ZNF438: variants seen among roughly 807,000 people sequenced by gnomAD.
ZNF438 encodes the protein zinc finger protein 438.
A neutral mutation model predicts 38.0 loss-of-function variants in ZNF438; 25 were observed. The ratio of observed to expected loss-of-function variants is 0.66; its 90% CI spans 0.48 to 0.92. The LOEUF is 0.92. ZNF438 is among the 40% of genes least tolerant of loss of function. The pLI is 0.00. For missense variants in ZNF438, 1,007 were observed against 999.6 expected, an observed-to-expected ratio of 1.01 and a Z score of -0.10; for synonymous variants, 372 against 364.1, an observed-to-expected ratio of 1.02 and a Z score of -0.25.
chr10:30,930,261 G>T (rs748442556), intron 2 of ZNF438, among the ~76,000 whole-genome samples: 1 of 152,112 alleles, frequency 6.6e-6, no homozygotes, highest in East Asian at 1.9e-4. Context: ...CAAGCACGAC[G>T]TGGGTGGGCT....
intron 1 of ZNF438, among the ~76,000 whole-genome samples, chr10:30,970,813 C>T (rs1474327227): frequency 6.6e-6 from 1 of 152,194 alleles, no homozygotes; most frequent in Non-Finnish European, 1.5e-5. Flanking sequence ...AAATGGACAT[C>T]ATCACAGGCA....
At chr10:31,021,672 T>C (rs1446749820) in intron 1 of ZNF438, among the ~76,000 whole-genome samples, 3 of 152,202 alleles carry the variant, frequency 2.0e-5, no homozygotes, top group East Asian at 1.9e-4. Flanking sequence ...TTCCAGCGAT[T>C]TTCTTATTCG....
At chr10:30,936,885 GCTCT>G (rs1429120758) in intron 2 of ZNF438, among the ~76,000 whole-genome samples, 2 of 152,004 alleles carry the variant, frequency 1.3e-5, no homozygotes, top group African/African-American at 4.8e-5. Flanking sequence ...CTTATTCTCT[GCTCT>G]CTAATTAATG....
rs374209322 is a variant in ZNF438 at position 30,901,676 on chromosome 10, T to TA, written c.-32+7256dup. ...AGGCGATGGTCTCACCGCTCGGCGA[T>TA]AGTCTCACCGCTTGGCGATAGGCGA... On this transcript the variant is annotated intron_variant, in intron 3 of 5. Coordinates refer to ENST00000413025, the Ensembl canonical transcript of ZNF438. Among the ~76,000 whole-genome samples, 47 of 152,026 alleles carry TA rather than the reference T, an allele frequency of 3.1e-4. No homozygotes were observed. The East Asian group carries it at 8.6e-3, about 28-fold the overall frequency.
At chr10:31,001,476 CAG>C (rs1295719249) in intron 1 of ZNF438, among the ~76,000 whole-genome samples, 5 of 152,080 alleles carry the variant, frequency 3.3e-5, no homozygotes, top group South Asian at 2.1e-4. Flanking sequence ...GGACAGGACA[CAG>C]AGAGGTTAAT....
rs531554432 is a variant in ZNF438 at position 31,030,471 on chromosome 10, C to CCT, written c.-192+1360_-192+1361dup. 1.2e-4 allele frequency among the ~76,000 whole-genome samples: 18 copies of CCT among 152,326 alleles called. No homozygotes were observed. In the South Asian group the frequency reaches 3.7e-3, roughly 32 times the overall value. On this transcript the variant is annotated intron_variant, in intron 1 of 5. Transcript: ENST00000413025. The stretch of plus-strand genomic sequence containing the variant: ...CTCCTAATAACAATAGCACACTTAG[C>CCT]CTTTCATTTGCACTCTCGTGATCTC...
rs186605182 is a variant in ZNF438, at chr10:30,864,992, T to C, written c.37+12006A>G. On this transcript the variant is annotated intron_variant, in intron 4 of 5. Transcript: ENST00000413025. The stretch of plus-strand genomic sequence containing the variant: ...TTCTTGCAAGATCACAAAGCAGGTA[T>C]TGAGACTTGGATTTTAACCCAGGAC... Among the ~76,000 whole-genome samples, 8 of 152,350 alleles carry C rather than the reference T, an allele frequency of 5.3e-5. No individual in the cohort carries two copies. The East Asian group carries it at 1.5e-3, about 29-fold the overall frequency.
intron 1 of ZNF438, among the ~76,000 whole-genome samples, chr10:30,969,726 T>C (rs1248528578): frequency 1.3e-5 from 2 of 152,158 alleles, no homozygotes; most frequent in Non-Finnish European, 2.9e-5. Context: ...TTTTAACCCA[T>C]GTTCCATCCT....
At chr10:30,875,683 G>A (rs747072349) in intron 4 of ZNF438, among the ~76,000 whole-genome samples, 3 of 152,112 alleles carry the variant, frequency 2.0e-5, no homozygotes, top group African/African-American at 4.8e-5. Context: ...TAGTGTTCCC[G>A]GCTGGATTTT....
intron 4 of ZNF438, among the ~76,000 whole-genome samples, chr10:30,861,403 A>C (rs745576933): frequency 9.9e-5 from 15 of 152,202 alleles, no homozygotes; most frequent in Non-Finnish European, 2.1e-4. Flanking sequence ...CAGAACCCAC[A>C]GATGCAGAAC....
intron 1 of ZNF438, among the ~76,000 whole-genome samples, chr10:31,002,600 C>T (rs2054766952): frequency 6.6e-6 from 1 of 152,166 alleles, no homozygotes; most frequent in Non-Finnish European, 1.5e-5. Flanking sequence ...ATTTAAAAAA[C>T]ATGATGTGCA....
At chr10:30,898,744 G>T (rs930880948) in intron 3 of ZNF438, among the ~76,000 whole-genome samples, 2 of 151,800 alleles carry the variant, frequency 1.3e-5, no homozygotes, top group Non-Finnish European at 2.9e-5. Flanking sequence ...CCAATTTCAT[G>T]GTGACCATTA....
chr10:30,858,944 A>C (rs1588825379), intron 4 of ZNF438, among the ~76,000 whole-genome samples: 1 of 152,300 alleles, frequency 6.6e-6, no homozygotes, highest in Middle Eastern at 3.4e-3. Context: ...TTTTCTGAGG[A>C]GCTGAGCTTC....
At chr10:30,955,990 A>G (rs2048822589) in intron 1 of ZNF438, among the ~76,000 whole-genome samples, 1 of 152,170 alleles carries the variant, frequency 6.6e-6, no homozygotes, top group African/African-American at 2.4e-5. Context: ...TTCTAAAACA[A>G]ACAATTTTTC....
intron 1 of ZNF438, among the ~76,000 whole-genome samples, chr10:30,982,496 C>A (rs1233925626): frequency 6.6e-6 from 1 of 152,120 alleles, no homozygotes; most frequent in Non-Finnish European, 1.5e-5. Context: ...ATTCTATTAA[C>A]ATGAGACTGT....
intron 1 of ZNF438, among the ~76,000 whole-genome samples, chr10:30,954,068 G>A (rs539428062): frequency 1.3e-5 from 2 of 152,138 alleles, no homozygotes; most frequent in South Asian, 2.1e-4. Context: ...ACTTGAACCC[G>A]GGATGTGGAG....
At chr10:30,916,335 A>G (rs1427554218) in intron 2 of ZNF438, among the ~76,000 whole-genome samples, 2 of 152,080 alleles carry the variant, frequency 1.3e-5, no homozygotes, top group African/African-American at 4.8e-5. Context: ...ATTTCTCAAG[A>G]AATTAAATGC....
chr10:30,885,507 C>T (rs576104237), intron 3 of ZNF438, among the ~76,000 whole-genome samples: 1 of 152,212 alleles, frequency 6.6e-6, no homozygotes. Context: ...AATACCTCAT[C>T]CACATATGAG....
At chr10:30,969,449 C>T (rs1354793085) in intron 1 of ZNF438, among the ~76,000 whole-genome samples, 1 of 152,188 alleles carries the variant, frequency 6.6e-6, no homozygotes, top group Non-Finnish European at 1.5e-5. Context: ...AACAAATATG[C>T]AGTCTCATGA....
Sources: allele counts gnomAD v4.1 joint callset (sites outside exome capture counted in the v4.1 genomes callset), GRCh38; gene constraint gnomAD v4.1.1; transcripts MANE v1.5; gene names NCBI Gene and HGNC (gene_info 2026-07-23, HGNC 2026-07-21).